Variants in EDIL3 observed in about 807,000 individuals in gnomAD.
EDIL3 encodes the protein EGF-like repeat and discoidin I-like domain-containing protein 3.
A neutral mutation model predicts 67.4 loss-of-function variants in EDIL3; 37 were observed. That is an observed-to-expected ratio of 0.55 (90% CI 0.42 to 0.72). EDIL3 has a LOEUF of 0.72. Among genes scored for constraint, EDIL3 ranks in the 30% least tolerant of loss-of-function variants. EDIL3 has a pLI of 0.00. For synonymous variants in EDIL3, 195 were observed against 196.3 expected (o/e 0.99, Z 0.05); for missense variants, 527 against 586.3 (o/e 0.90, Z 1.04).
At chr5:84,061,443 C>T (rs7728101) in intron 8 of EDIL3, among the ~76,000 whole-genome samples, 1 of 151,830 alleles carries the variant, frequency 6.6e-6, no homozygotes, top group Non-Finnish European at 1.5e-5. Context: ...CATATGAGCC[C>T]GGGGCTGAGT....
At chr5:84,159,828 T>C (rs1178413046) in intron 4 of EDIL3, among the ~76,000 whole-genome samples, 4 of 152,104 alleles carry the variant, frequency 2.6e-5, no homozygotes, top group African/African-American at 9.7e-5. Flanking sequence ...ACAATAATGG[T>C]GGACGTAAAC....
At chr5:83,992,066 A>T (rs559804125) in intron 9 of EDIL3, among the ~76,000 whole-genome samples, 1 of 152,290 alleles carries the variant, frequency 6.6e-6, no homozygotes, top group East Asian at 1.9e-4. Flanking sequence ...AGAATGCCTT[A>T]GTTATGGCCC....
At chr5:84,148,460 C>A (rs1580349449) in intron 4 of EDIL3, among the ~76,000 whole-genome samples, 1 of 152,112 alleles carries the variant, frequency 6.6e-6, no homozygotes, top group Non-Finnish European at 1.5e-5. Flanking sequence ...AAAATGGTGA[C>A]ATTTACTATT....
chr5:84,205,241 C>CAT (rs201931556), intron 3 of EDIL3, among the ~76,000 whole-genome samples: 53 of 151,570 alleles, frequency 3.5e-4, no homozygotes, highest in East Asian at 7.8e-4. Context: ...TTTCTAATAA[C>CAT]ATATATATAT....
chr5:84,037,963 T>A (rs1346830759), intron 9 of EDIL3, among the ~76,000 whole-genome samples: 2 of 151,098 alleles, frequency 1.3e-5, no homozygotes, highest in African/African-American at 4.9e-5. Context: ...GGTGCTGGGA[T>A]TCTCTTTTCT....
chr5:83,943,256 C>T lies in EDIL3; in HGVS notation c.*163G>A. Reference sequence around the variant, plus strand: ...CAAATTAAATCATTGAAAAGGCAGGCTTAGACCCCCTTAAAAACACCGTTA... The same window carrying T: ...CAAATTAAATCATTGAAAAGGCAGGTTTAGACCCCCTTAAAAACACCGTTA... On this transcript the variant is annotated 3_prime_UTR_variant, in exon 11 of 11. Transcript: ENST00000296591. The T allele has an allele frequency of 1.2e-6, 1 of 813,700 alleles. No individual in the cohort carries two copies. The highest frequency in any genetic ancestry group is 2.7e-5 in the East Asian group (1 of 36,468). The allele number at this position is 813,700 out of a possible 1,614,324, so 50.4% of individuals were successfully genotyped here.
chr5:84,269,674 T>C (rs1211570558), intron 1 of EDIL3, among the ~76,000 whole-genome samples: 1 of 152,192 alleles, frequency 6.6e-6, no homozygotes, highest in Non-Finnish European at 1.5e-5. Flanking sequence ...TCTACTTTAT[T>C]GCATAACTAA....
intron 5 of EDIL3, among the ~76,000 whole-genome samples, chr5:84,134,866 C>T (rs1011524809): frequency 1.3e-5 from 2 of 152,242 alleles, no homozygotes; most frequent in East Asian, 1.9e-4. Flanking sequence ...TGAAGGGAGG[C>T]ATGCCACTAT....
At chr5:84,146,966 C>T (rs1748300223) in intron 4 of EDIL3, among the ~76,000 whole-genome samples, 1 of 152,018 alleles carries the variant, frequency 6.6e-6, no homozygotes, top group South Asian at 2.1e-4. Context: ...CCACCAAGGG[C>T]AAACACCAGA....
chr5:84,032,892 T>C (rs1176196143), intron 9 of EDIL3, among the ~76,000 whole-genome samples: 8 of 152,218 alleles, frequency 5.3e-5, no homozygotes, highest in Admixed American at 5.2e-4. Flanking sequence ...CAGAGAGTGG[T>C]TGAGAAGATG....
At chr5:84,305,795 C>T (rs531144327) in intron 1 of EDIL3, among the ~76,000 whole-genome samples, 1 of 152,120 alleles carries the variant, frequency 6.6e-6, no homozygotes, top group Non-Finnish European at 1.5e-5. Context: ...AGGAGAATTG[C>T]TTGAACCCAG....
chr5:84,290,947 T>G (rs896932606), intron 1 of EDIL3, among the ~76,000 whole-genome samples: 2 of 152,148 alleles, frequency 1.3e-5, no homozygotes, highest in African/African-American at 4.8e-5. Flanking sequence ...CCACTGAACA[T>G]TTGTGATTTC....
chr5:84,372,691 A>C (rs76297085), intron 1 of EDIL3, among the ~76,000 whole-genome samples: 4,196 of 152,262 alleles, frequency 0.028, 79 homozygotes, highest in Non-Finnish European at 0.046. Context: ...TATAAGACCT[A>C]GTTTTGAGTG....
chr5:84,186,188 A>G (rs1743441608), intron 3 of EDIL3, among the ~76,000 whole-genome samples: 1 of 152,116 alleles, frequency 6.6e-6, no homozygotes, highest in Non-Finnish European at 1.5e-5. Flanking sequence ...CTATTTTGAT[A>G]CTGAAAAAAA....
chr5:84,321,165 AT>A (rs1416610162), intron 1 of EDIL3, among the ~76,000 whole-genome samples: 1 of 151,812 alleles, frequency 6.6e-6, no homozygotes, highest in African/African-American at 2.4e-5. Context: ...TCCTAACATT[AT>A]TTTTTTTCTT....
intron 8 of EDIL3, among the ~76,000 whole-genome samples, chr5:84,061,032 G>A (rs1746533433): frequency 6.6e-6 from 1 of 152,012 alleles, no homozygotes; most frequent in African/African-American, 2.4e-5. Flanking sequence ...GATTCTTATA[G>A]CACCAACATG....
rs563483858 is a variant in EDIL3 at position 84,036,213 on chromosome 5, T to C, written c.1137+24087A>G. On this transcript the variant is annotated intron_variant, in intron 9 of 10. Transcript: ENST00000296591. Reference sequence around the variant, plus strand: ...CTTCTAGGGATGGCAACAGGGAACATGGCATGTCCGGTTCTTGGGGCAGGT... The same window carrying C: ...CTTCTAGGGATGGCAACAGGGAACACGGCATGTCCGGTTCTTGGGGCAGGT... 2.0e-4 allele frequency among the ~76,000 whole-genome samples: 30 copies of C among 152,286 alleles called. 1 individual carries two copies. In the South Asian group the frequency reaches 4.4e-3, roughly 22 times the overall value.
chr5:84,031,317 C>T (rs1745919268), intron 9 of EDIL3, among the ~76,000 whole-genome samples: 1 of 152,108 alleles, frequency 6.6e-6, no homozygotes, highest in Non-Finnish European at 1.5e-5. Context: ...AATTGTTTGA[C>T]ATATTTTTCA....
rs1368085815 is a variant in EDIL3 at position 84,319,190 on chromosome 5, T to TTTACACTGTTGGTGGGAGTGTAAATTA, written c.68-64979_68-64978insTAATTTACACTCCCACCAACAGTGTAA. On this transcript the variant is annotated intron_variant, in intron 1 of 10. Transcript: ENST00000296591. ...GAGGATGTGAAGAAATAGGAATGCTTGGCCGGGCGCGGTGGCTCACGCCTG... is the reference window on the plus strand; with the variant it reads ...GAGGATGTGAAGAAATAGGAATGCTTTTACACTGTTGGTGGGAGTGTAAATTAGGCCGGGCGCGGTGGCTCACGCCTG... 1.2e-3 allele frequency among the ~76,000 whole-genome samples: 150 copies of TTTACACTGTTGGTGGGAGTGTAAATTA among 124,330 alleles called. 5 individuals are homozygous for TTTACACTGTTGGTGGGAGTGTAAATTA. The highest frequency in any genetic ancestry group is 1.3e-3 in the Non-Finnish European group (72 of 54,268). The allele number at this position is 124,330 out of a possible 152,430, so 81.6% of individuals were successfully genotyped here. A position where few individuals can be genotyped will look rare whatever the true frequency, so the allele number is the denominator to read the frequency against.
Sources: gnomAD v4.1 joint callset for allele counts (sites outside exome capture counted in the v4.1 genomes callset) on GRCh38, gnomAD v4.1.1 for gene constraint, MANE v1.5 for transcripts, NCBI Gene and HGNC (gene_info 2026-07-23, HGNC 2026-07-21) for gene names.